The following GRM5 variants were observed in gnomAD, a reference collection of about 807,000 sequenced individuals.
GRM5 encodes the protein glutamate metabotropic receptor 5.
A neutral mutation model predicts 83.1 loss-of-function variants in GRM5; 19 were observed. The ratio of observed to expected loss-of-function variants is 0.23; its 90% CI spans 0.16 to 0.34. The LOEUF is 0.34. GRM5 is among the 10% of genes least tolerant of loss of function. The probability of loss-of-function intolerance (pLI) is 1.00; values close to 1 mark genes in which losing one functional copy is unlikely to be tolerated. For missense variants in GRM5, 1,160 were observed against 1,588.3 expected, an observed-to-expected ratio of 0.73 and a Z score of 4.58; for synonymous variants, 675 against 633.6, an observed-to-expected ratio of 1.07 and a Z score of -0.98.
intron 2 of GRM5, among the ~76,000 whole-genome samples, chr11:89,036,576 A>C (rs1374231357): frequency 1.3e-5 from 2 of 151,902 alleles, no homozygotes; most frequent in Admixed American, 6.6e-5. Flanking sequence ...CTTATAGGGC[A>C]GGTATTTTTA....
intron 2 of GRM5, among the ~76,000 whole-genome samples, chr11:88,924,563 T>C (rs1421562506): frequency 1.3e-5 from 2 of 151,998 alleles, no homozygotes; most frequent in Non-Finnish European, 2.9e-5. Flanking sequence ...GGAAAATAGA[T>C]ACTGCATGAT....
intron 3 of GRM5, among the ~76,000 whole-genome samples, chr11:88,802,486 C>CG (rs1234292296): frequency 4.3e-5 from 2 of 46,364 alleles, no homozygotes; most frequent in South Asian, 1.5e-3. Flanking sequence ...AATTCAACAA[C>CG]CTTCATGCTA....
chr11:88,714,028 T>C (rs10831305), intron 3 of GRM5, among the ~76,000 whole-genome samples: 38,437 of 151,938 alleles, frequency 0.25, 5,026 homozygotes, highest in African/African-American at 0.29. Flanking sequence ...AGAATCTTTT[T>C]GAGTTCAAAT....
At chr11:88,551,565 G>A (rs948382849) in intron 8 of GRM5, among the ~76,000 whole-genome samples, 9 of 152,060 alleles carry the variant, frequency 5.9e-5, no homozygotes, top group African/African-American at 1.2e-4. Flanking sequence ...AGGCAGATTC[G>A]ATTCTTATTC....
intron 2 of GRM5, among the ~76,000 whole-genome samples, chr11:88,931,057 A>G (rs1278331607): frequency 8.9e-6 from 1 of 111,732 alleles, no homozygotes; most frequent in East Asian, 2.7e-4. Flanking sequence ...ATAAAAATGG[A>G]GGACATTCTT....
chr11:88,555,363 G>A lies in GRM5; in HGVS notation c.2630+11690C>T, dbSNP rs937140689. Among the ~76,000 whole-genome samples the A allele has an allele frequency of 3.3e-5, 5 of 152,200 alleles. 1 individual carries two copies. Among genetic ancestry groups the A allele is most frequent in the Admixed American group, 2.6e-4 (4 of 15,274 alleles). On this transcript the variant is annotated intron_variant, in intron 8 of 9. Coordinates refer to ENST00000305447, the MANE Select transcript of GRM5 (RefSeq NM_001143831.3). ...GTCTTACCCCATAAAATAGTAGTACGCAAAACACATGGAAAAGAGTCTCAC... is the reference window on the plus strand; with the variant it reads ...GTCTTACCCCATAAAATAGTAGTACACAAAACACATGGAAAAGAGTCTCAC...
At chr11:88,587,880 T>C (rs1943350977) in intron 7 of GRM5, among the ~76,000 whole-genome samples, 3 of 152,220 alleles carry the variant, frequency 2.0e-5, no homozygotes. Flanking sequence ...ACACAAGTTT[T>C]CCTGTTTCTT....
intron 4 of GRM5, among the ~76,000 whole-genome samples, chr11:88,621,291 C>G (rs932361779): frequency 6.6e-6 from 1 of 152,154 alleles, no homozygotes; most frequent in Non-Finnish European, 1.5e-5. Flanking sequence ...TATATTTTAA[C>G]TGTGTTTTAT....
chr11:88,569,994 CT>C (rs1942953212), intron 7 of GRM5, among the ~76,000 whole-genome samples: 3 of 151,638 alleles, frequency 2.0e-5, no homozygotes, highest in Admixed American at 2.0e-4. Flanking sequence ...CTAAGGGTAG[CT>C]TCGTTGTAGA....
chr11:88,770,158 A>C (rs189133663), intron 3 of GRM5, among the ~76,000 whole-genome samples: 4 of 152,162 alleles, frequency 2.6e-5, no homozygotes, highest in Non-Finnish European at 5.9e-5. Flanking sequence ...ACTCATCAAA[A>C]CTTTCAAAGT....
At chr11:88,703,600 G>A (rs934021249) in intron 3 of GRM5, among the ~76,000 whole-genome samples, 2 of 152,036 alleles carry the variant, frequency 1.3e-5, no homozygotes, top group African/African-American at 4.8e-5. Flanking sequence ...TGTCATGAGA[G>A]GGACCCGGTG....
chr11:88,980,220 C>T (rs988200976), intron 2 of GRM5, among the ~76,000 whole-genome samples: 1 of 152,112 alleles, frequency 6.6e-6, no homozygotes, highest in Non-Finnish European at 1.5e-5. Flanking sequence ...AATACAATAT[C>T]TCTATTACCT....
intron 9 of GRM5, among the ~76,000 whole-genome samples, chr11:88,516,888 C>T (rs189537316): frequency 3.9e-5 from 6 of 152,132 alleles, no homozygotes; most frequent in African/African-American, 9.6e-5. Context: ...AATCTTGTTG[C>T]TTCCTCAAAG....
At chr11:88,821,826 G>A (rs1590885195) in intron 3 of GRM5, among the ~76,000 whole-genome samples, 1 of 152,184 alleles carries the variant, frequency 6.6e-6, no homozygotes, top group East Asian at 1.9e-4. Flanking sequence ...CTTAACTCAT[G>A]AACACCATGA....
intron 7 of GRM5, among the ~76,000 whole-genome samples, chr11:88,587,295 G>A (rs1457327109): frequency 1.3e-5 from 2 of 152,112 alleles, no homozygotes; most frequent in African/African-American, 4.8e-5. Context: ...AGTTACTCAA[G>A]TAAAGAAAGA....
intron 3 of GRM5, among the ~76,000 whole-genome samples, chr11:88,689,911 T>A (rs961950070): frequency 3.0e-4 from 46 of 152,338 alleles, no homozygotes; most frequent in African/African-American, 9.6e-4. Context: ...AGAACATTTT[T>A]TTTTTGTTTT....
chr11:88,803,700 T>C (rs1314620495), intron 3 of GRM5, among the ~76,000 whole-genome samples: 1 of 152,010 alleles, frequency 6.6e-6, no homozygotes, highest in Non-Finnish European at 1.5e-5. Flanking sequence ...CTAATTAAAC[T>C]AAAGAGCTTC....
intron 2 of GRM5, among the ~76,000 whole-genome samples, chr11:88,903,532 G>A (rs1248302667): frequency 1.3e-5 from 2 of 152,138 alleles, no homozygotes; most frequent in Middle Eastern, 3.2e-3. Context: ...TAAAGAAAAT[G>A]TGGCATATAT....
chr11:88,698,108 C>T (rs962436153), intron 3 of GRM5, among the ~76,000 whole-genome samples: 2 of 152,132 alleles, frequency 1.3e-5, no homozygotes, highest in African/African-American at 4.8e-5. Context: ...ATCCATTCTC[C>T]ACAGGGTAGC....
Sources: allele counts gnomAD v4.1 joint callset (sites outside exome capture counted in the v4.1 genomes callset), GRCh38; gene constraint gnomAD v4.1.1; transcripts MANE v1.5; gene names NCBI Gene and HGNC (gene_info 2026-07-23, HGNC 2026-07-21).